Variants in MOB3B observed in about 807,000 individuals in gnomAD.
MOB3B encodes the protein MOB kinase activator 3B.
In MOB3B, 7 loss-of-function variants were observed where a neutral mutation model predicts 18.7. That is an observed-to-expected ratio of 0.37 (90% CI 0.21 to 0.70). The LOEUF (loss-of-function observed/expected upper bound fraction) is 0.70. MOB3B is among the 30% of genes least tolerant of loss of function. The pLI is 0.52. For missense variants in MOB3B, 253 were observed against 281.3 expected (o/e 0.90, Z 0.72); for synonymous variants, 111 against 99.9 (o/e 1.11, Z -0.66).
intron 2 of MOB3B, among the ~76,000 whole-genome samples, chr9:27,387,436 C>G (rs1008544897): frequency 3.9e-5 from 6 of 152,172 alleles, no homozygotes; most frequent in African/African-American, 1.2e-4. Flanking sequence ...TAGGTCACTG[C>G]ACTTCAGTTT....
At chr9:27,457,569 G>A (rs533535136) in intron 1 of MOB3B, among the ~76,000 whole-genome samples, 10 of 152,248 alleles carry the variant, frequency 6.6e-5, no homozygotes, top group Admixed American at 1.3e-4. Context: ...CTAACCAGGC[G>A]GTGGAATCCC....
intron 1 of MOB3B, among the ~76,000 whole-genome samples, chr9:27,466,903 C>T (rs967993521): frequency 1.3e-5 from 2 of 151,994 alleles, no homozygotes; most frequent in Non-Finnish European, 2.9e-5. Flanking sequence ...CATATCATTC[C>T]TGTTATCATT....
At chr9:27,414,114 G>T (rs773810860) in intron 2 of MOB3B, among the ~76,000 whole-genome samples, 1 of 152,206 alleles carries the variant, frequency 6.6e-6, no homozygotes, top group African/African-American at 2.4e-5. Context: ...GAATACATGT[G>T]ATCTCTCTGA....
chr9:27,456,414 C>A (rs1006023091), intron 1 of MOB3B, among the ~76,000 whole-genome samples: 9 of 152,114 alleles, frequency 5.9e-5, no homozygotes, highest in Admixed American at 5.9e-4. Context: ...GAAACAGAGA[C>A]AAGAGCCTAA....
chr9:27,453,847 A>C (rs1298496967), intron 2 of MOB3B, among the ~76,000 whole-genome samples: 1 of 152,232 alleles, frequency 6.6e-6, no homozygotes, highest in African/African-American at 2.4e-5. Flanking sequence ...CAGTCAATGA[A>C]AAGTGCAAAA....
chr9:27,476,848 G>C (rs576829271), intron 1 of MOB3B, among the ~76,000 whole-genome samples: 1 of 152,232 alleles, frequency 6.6e-6, no homozygotes, highest in Non-Finnish European at 1.5e-5. Flanking sequence ...GATAGTGACT[G>C]AGCATGGCAG....
At chr9:27,524,722 T>C in intron 1 of MOB3B, 13 of 1,613,886 alleles carry the variant, frequency 8.1e-6, no homozygotes, top group Non-Finnish European at 1.1e-5. Flanking sequence ...AACCAATGCT[T>C]GGAGGAAGAC....
intron 1 of MOB3B, among the ~76,000 whole-genome samples, chr9:27,483,315 A>G (rs991681742): frequency 4.0e-5 from 6 of 151,684 alleles, no homozygotes; most frequent in African/African-American, 7.3e-5. Flanking sequence ...TGTATTTTTA[A>G]TAGAAACGGG....
At chr9:27,475,699 C>T (rs1382350877) in intron 1 of MOB3B, among the ~76,000 whole-genome samples, 3 of 152,216 alleles carry the variant, frequency 2.0e-5, no homozygotes, top group African/African-American at 7.2e-5. Context: ...AGATAAGCTC[C>T]TCACCCAGTG....
At chr9:27,526,880 G>T (rs529726366) in intron 1 of MOB3B, among the ~76,000 whole-genome samples, 1 of 152,246 alleles carries the variant, frequency 6.6e-6, no homozygotes, top group Non-Finnish European at 1.5e-5. Flanking sequence ...TGAGTGGAGT[G>T]TAAGGTATAG....
At chr9:27,368,353 T>TACACACACAAACACACACACACAC (rs1821367417) in intron 2 of MOB3B, among the ~76,000 whole-genome samples, 2 of 145,888 alleles carry the variant, frequency 1.4e-5, no homozygotes, top group Non-Finnish European at 3.0e-5. Context: ...CACACATACA[T>TACACACACAAACACACACACACAC]ACACACACAC....
At position 27,455,142 on chromosome 9, in the gene MOB3B, T is replaced by G. The variant is rs1416760834; in HGVS notation, c.409A>C (p.Thr137Pro). Residue 137 changes from threonine (T) to proline (P), a missense_variant, in exon 2 of 4, where the codon ACA becomes CCA. Physicochemically the swap from Thr to Pro is conservative, Grantham distance 38 (BLOSUM62 -1). Transcript: ENST00000262244. ...CTGGTAATGAACTTACCCACGCATG[T>G]TGGAAATATTTCCTCGTTGTTGATC... Reference protein sequence around the residue: ...VQINNEEIFPTCVGVPFPKNF... With the variant: ...VQINNEEIFPPCVGVPFPKNF... The G allele has an allele frequency of 6.2e-7, 1 of 1,614,196 alleles. No homozygotes were observed. Among genetic ancestry groups the G allele is most frequent in the South Asian group, 1.1e-5 (1 of 91,078 alleles).
At chr9:27,445,121 A>C (rs1476625834) in intron 2 of MOB3B, among the ~76,000 whole-genome samples, 7 of 152,230 alleles carry the variant, frequency 4.6e-5, no homozygotes, top group Non-Finnish European at 1.0e-4. Flanking sequence ...ATCAAGCAGT[A>C]AAAGCTGTAA....
intron 2 of MOB3B, among the ~76,000 whole-genome samples, chr9:27,368,257 A>G (rs1821365555): frequency 6.6e-6 from 1 of 151,936 alleles, no homozygotes; most frequent in African/African-American, 2.4e-5. Context: ...TCCTCCTCTT[A>G]GCTTATTCTC....
intron 2 of MOB3B, among the ~76,000 whole-genome samples, chr9:27,440,813 C>G (rs978326333): frequency 3.3e-5 from 5 of 151,982 alleles, no homozygotes; most frequent in Admixed American, 1.3e-4. Flanking sequence ...ACTGTGAATA[C>G]TGATGTGAAA....
At chr9:27,490,538 G>A (rs1265329445) in intron 1 of MOB3B, among the ~76,000 whole-genome samples, 1 of 152,178 alleles carries the variant, frequency 6.6e-6, no homozygotes, top group Non-Finnish European at 1.5e-5. Flanking sequence ...TAGGAGACAA[G>A]AAAGGGCATT....
chr9:27,357,144 A>ATATATATATGTG (rs1486801059), intron 3 of MOB3B, among the ~76,000 whole-genome samples: 1 of 80,970 alleles, frequency 1.2e-5, no homozygotes, highest in African/African-American at 4.2e-5. Flanking sequence ...ATATATATAT[A>ATATATATATGTG]TGTGTTTTTT....
At chr9:27,432,293 C>G (rs1822429376) in intron 2 of MOB3B, among the ~76,000 whole-genome samples, 1 of 151,718 alleles carries the variant, frequency 6.6e-6, no homozygotes, top group Non-Finnish European at 1.5e-5. Context: ...AATTTCTTTC[C>G]CTGTGTTGTA....
At chr9:27,470,883 C>A (rs761536190) in intron 1 of MOB3B, among the ~76,000 whole-genome samples, 2 of 152,180 alleles carry the variant, frequency 1.3e-5, no homozygotes, top group African/African-American at 4.8e-5. Context: ...CCCAGCACTG[C>A]CTCCCCCTGG....
Sources: allele counts gnomAD v4.1 joint callset (sites outside exome capture counted in the v4.1 genomes callset), GRCh38; gene constraint gnomAD v4.1.1; transcripts MANE v1.5; gene names NCBI Gene and HGNC (gene_info 2026-07-23, HGNC 2026-07-21).